The following IFT88 variants were observed in gnomAD, a reference collection of about 807,000 sequenced individuals.
IFT88 encodes the protein intraflagellar transport protein 88 homolog.
In IFT88, 74 loss-of-function variants were observed where a neutral mutation model predicts 119.5. That is an observed-to-expected ratio of 0.62 (90% CI 0.51 to 0.75). The LOEUF is 0.75. IFT88 is among the 30% of genes least tolerant of loss of function. The probability of loss-of-function intolerance (pLI) is 0.00; values close to 1 mark genes in which losing one functional copy is unlikely to be tolerated. For synonymous variants in IFT88, 279 were observed against 316.7 expected (o/e 0.88, Z 1.26); for missense variants, 961 against 977.7 (o/e 0.98, Z 0.23).
intron 13 of IFT88, among the ~76,000 whole-genome samples, chr13:20,612,009 A>G (rs1028135769): frequency 2.0e-5 from 3 of 152,224 alleles, no homozygotes; most frequent in Non-Finnish European, 2.9e-5. Flanking sequence ...CAGATTAGAA[A>G]GGAACAGTTT....
chr13:20,591,667 A>C lies in IFT88; in HGVS notation c.314A>C (p.Lys105Thr). Residue 105 changes from lysine to threonine, a missense_variant, in exon 6 of 26, where the codon AAA becomes ACA. Coordinates refer to ENST00000351808, the MANE Select transcript of IFT88 (RefSeq NM_006531.5). ...GCAGTGAGAGCAGCTGGTTTTACCA[A>C]AGCAGCTTTGAGAGGTTTGTTACAC... is the stretch of plus-strand genomic sequence containing the variant. The part of the protein sequence containing the change: ...MTAVRAAGFT[K>T]AALRGSAFDP... 1 of 1,612,102 alleles carries C rather than the reference A, an allele frequency of 6.2e-7. No individual in the cohort carries two copies. Among genetic ancestry groups the C allele is most frequent in the Non-Finnish European group, 8.5e-7 (1 of 1,178,504 alleles).
chr13:20,625,372 A>T (rs2047140502), intron 14 of IFT88, among the ~76,000 whole-genome samples: 1 of 152,210 alleles, frequency 6.6e-6, no homozygotes, highest in African/African-American at 2.4e-5. Flanking sequence ...TTGGGACACA[A>T]AAAATTAAAT....
intron 1 of IFT88, among the ~76,000 whole-genome samples, chr13:20,572,381 G>C (rs2036544522): frequency 6.6e-6 from 1 of 152,010 alleles, no homozygotes; most frequent in South Asian, 2.1e-4. Flanking sequence ...ACCATGCCCG[G>C]CTAGTTTTTG....
chr13:20,648,962 G>A (rs148932909), intron 20 of IFT88, among the ~76,000 whole-genome samples: 80 of 152,218 alleles, frequency 5.3e-4, no homozygotes, highest in African/African-American at 1.7e-3. Context: ...TAAAAGGTTC[G>A]TTACTGCAAG....
At chr13:20,588,210 G>A (rs1419577567) in intron 3 of IFT88, among the ~76,000 whole-genome samples, 1 of 151,968 alleles carries the variant, frequency 6.6e-6, no homozygotes, top group African/African-American at 2.4e-5. Context: ...TGCCTGGACA[G>A]TGCCAGGATT....
At chr13:20,645,535 T>C (rs1218072903) in intron 20 of IFT88, among the ~76,000 whole-genome samples, 1 of 152,212 alleles carries the variant, frequency 6.6e-6, no homozygotes, top group East Asian at 1.9e-4. Context: ...CAAACAATTA[T>C]TGTTCCTTTA....
Position 20,691,423 on chromosome 13 carries a change from A to T in IFT88, c.*248A>T, listed in dbSNP as rs570171254. The T allele has an allele frequency of 9.1e-6, 3 of 330,482 alleles. No homozygotes were observed. In the South Asian group the frequency reaches 1.6e-4, roughly 17 times the overall value. The allele number at this position is 330,482 out of a possible 1,614,324, so 20.5% of individuals were successfully genotyped here. On this transcript the variant is annotated 3_prime_UTR_variant, in exon 26 of 26. Transcript: ENST00000351808. ...AAACATTGACACACAGGAAGAAATA[A>T]ATTTCATAACACAACCTAGTACATA...
intron 14 of IFT88, among the ~76,000 whole-genome samples, chr13:20,617,165 A>G (rs2139696632): frequency 6.6e-6 from 1 of 152,214 alleles, no homozygotes; most frequent in African/African-American, 2.4e-5. Flanking sequence ...AAAAAGTGAT[A>G]CTATTACATA....
At chr13:20,579,273 G>A (rs1018918251) in intron 2 of IFT88, among the ~76,000 whole-genome samples, 1 of 152,202 alleles carries the variant, frequency 6.6e-6, no homozygotes. Context: ...CAGAGATGCT[G>A]TCTGGGAGCC....
intron 9 of IFT88, 48 bp from the exon 10 acceptor site, chr13:20,598,603 G>A (rs766732647): frequency 2.8e-6 from 3 of 1,069,200 alleles, no homozygotes; most frequent in Non-Finnish European, 4.3e-6. Context: ...AGGTGAAAGG[G>A]GCCTAAAGTG....
intron 23 of IFT88, 36 bp from the exon 24 acceptor site, chr13:20,670,937 A>G (rs776759154): frequency 2.5e-6 from 4 of 1,577,540 alleles, no homozygotes; most frequent in Non-Finnish European, 3.5e-6. Flanking sequence ...AAGGAATAGC[A>G]CTTATTCTTT....
At chr13:20,634,334 C>G (rs2048675789) in intron 16 of IFT88, among the ~76,000 whole-genome samples, 1 of 152,130 alleles carries the variant, frequency 6.6e-6, no homozygotes, top group Non-Finnish European at 1.5e-5. Flanking sequence ...TTATTCATAT[C>G]CCTCCCAAGA....
At chr13:20,604,409 T>C (rs1325099521) in intron 12 of IFT88, among the ~76,000 whole-genome samples, 1 of 152,200 alleles carries the variant, frequency 6.6e-6, no homozygotes, top group Non-Finnish European at 1.5e-5. Flanking sequence ...TAATTGATGA[T>C]TGAAGCATTT....
intron 20 of IFT88, among the ~76,000 whole-genome samples, chr13:20,648,170 C>T (rs2051028779): frequency 1.3e-5 from 2 of 152,164 alleles, no homozygotes; most frequent in African/African-American, 4.8e-5. Context: ...CCCAGGCAGG[C>T]AGATCACCTG....
chr13:20,582,071 A>G (rs1239030717), intron 2 of IFT88, among the ~76,000 whole-genome samples: 1 of 151,724 alleles, frequency 6.6e-6, no homozygotes, highest in Non-Finnish European at 1.5e-5. Flanking sequence ...TGGGAAGTAG[A>G]TTGAAATAAA....
At chr13:20,570,200 A>G (rs936673139) in intron 1 of IFT88, among the ~76,000 whole-genome samples, 2 of 152,236 alleles carry the variant, frequency 1.3e-5, no homozygotes, top group African/African-American at 4.8e-5. Flanking sequence ...TAGAATTGCA[A>G]TAATCAAAAA....
At chr13:20,677,399 T>C (rs944367383) in intron 24 of IFT88, among the ~76,000 whole-genome samples, 1 of 152,200 alleles carries the variant, frequency 6.6e-6, no homozygotes, top group African/African-American at 2.4e-5. Flanking sequence ...CCTTGTAAAA[T>C]TATCAGAGTA....
At chr13:20,635,890 C>G (rs1315558872) in intron 16 of IFT88, among the ~76,000 whole-genome samples, 2 of 151,740 alleles carry the variant, frequency 1.3e-5, no homozygotes, top group African/African-American at 2.4e-5. Context: ...TGTTTTTAAC[C>G]TAAAGTAAAA....
intron 17 of IFT88, among the ~76,000 whole-genome samples, chr13:20,640,571 A>AAAATAAATAAATAAAT (rs57789982): frequency 6.5e-4 from 94 of 144,312 alleles, no homozygotes; most frequent in Middle Eastern, 3.5e-3. Flanking sequence ...ACTCCGTCTC[A>AAAATAAATAAATAAAT]AAATAAATAA....
Sources: allele counts gnomAD v4.1 joint callset (sites outside exome capture counted in the v4.1 genomes callset), GRCh38; gene constraint gnomAD v4.1.1; transcripts MANE v1.5; gene names NCBI Gene and HGNC (gene_info 2026-07-23, HGNC 2026-07-21).